Variants in TENM3 observed in about 807,000 individuals in gnomAD.
TENM3 encodes teneurin-3.
TENM3 carries 63 observed loss-of-function variants against 255.1 expected under a neutral mutation model. The observed-to-expected ratio is 0.25, with a 90% CI of 0.20 to 0.30. The LOEUF (loss-of-function observed/expected upper bound fraction) is 0.30. Ranked by LOEUF, TENM3 falls within the 10% of genes least tolerant of loss-of-function variation. The pLI, the probability that TENM3 is intolerant of heterozygous loss-of-function variation, is 1.00. For missense variants in TENM3, 2,929 were observed against 3,461.1 expected, an observed-to-expected ratio of 0.85 and a Z score of 3.86; for synonymous variants, 1,306 against 1,322.3, an observed-to-expected ratio of 0.99 and a Z score of 0.27.
At chr4:181,705,444 T>C in the TENM3 span, among the ~76,000 whole-genome samples, 1 of 152,218 alleles carries the variant, frequency 6.6e-6, no homozygotes, top group Non-Finnish European at 1.5e-5. Context: ...GGACAAAGTA[T>C]AACTAACTTC....
chr4:181,690,414 G>A, the TENM3 span, among the ~76,000 whole-genome samples: 1 of 152,162 alleles, frequency 6.6e-6, no homozygotes, highest in Non-Finnish European at 1.5e-5. Flanking sequence ...TCTTGTCAAA[G>A]CAAAGACCAT....
intron 5 of TENM3, among the ~76,000 whole-genome samples, chr4:182,643,371 C>T (rs1396652795): frequency 6.6e-6 from 1 of 152,122 alleles, no homozygotes; most frequent in East Asian, 1.9e-4. Flanking sequence ...AAATTAAAAT[C>T]AAGAACAACA....
the TENM3 span, among the ~76,000 whole-genome samples, chr4:181,948,896 A>G: frequency 2.6e-5 from 4 of 152,144 alleles, 1 homozygote; most frequent in Non-Finnish European, 5.9e-5. Flanking sequence ...CTAATGAAAT[A>G]ATCAGCTAGT....
chr4:181,716,295 A>G, the TENM3 span, among the ~76,000 whole-genome samples: 2 of 152,194 alleles, frequency 1.3e-5, no homozygotes, highest in Non-Finnish European at 2.9e-5. Flanking sequence ...TATTAATTAA[A>G]TTAATTATAA....
intron 20 of TENM3, 22 bp downstream of exon 20, chr4:182,752,054 A>T: frequency 3.8e-6 from 5 of 1,306,582 alleles, no homozygotes; most frequent in Non-Finnish European, 3.1e-6. Flanking sequence ...TGGCGATTTG[A>T]GGATTTCTTT....
At chr4:181,852,945 A>T in the TENM3 span, among the ~76,000 whole-genome samples, 1 of 152,222 alleles carries the variant, frequency 6.6e-6, no homozygotes, top group African/African-American at 2.4e-5. Flanking sequence ...CGTTATGTGT[A>T]TTTTACCACA....
At chr4:182,102,322 G>C in the TENM3 span, among the ~76,000 whole-genome samples, 1 of 152,172 alleles carries the variant, frequency 6.6e-6, no homozygotes, top group East Asian at 1.9e-4. Flanking sequence ...CAGACTACTT[G>C]GTGTTGGGAG....
intron 3 of TENM3, among the ~76,000 whole-genome samples, chr4:182,451,292 C>T (rs1362083960): frequency 6.6e-6 from 1 of 152,088 alleles, no homozygotes; most frequent in Non-Finnish European, 1.5e-5. Context: ...TTTAATTCTT[C>T]TCGAAGATTT....
At chr4:181,834,637 C>T in the TENM3 span, among the ~76,000 whole-genome samples, 20,164 of 152,180 alleles carry the variant, frequency 0.13, 1,954 homozygotes, top group East Asian at 0.53. Context: ...GCGTTGGCCT[C>T]CTAGCCAACC....
rs1385247588 is a variant in TENM3, at chr4:182,800,333, C to T, written c.8082C>T (p.Ser2694=). 3 of 1,586,434 alleles carry T rather than the reference C, an allele frequency of 1.9e-6. No homozygotes were observed. Among genetic ancestry groups the T allele is most frequent in the Non-Finnish European group, 2.6e-6 (3 of 1,174,804 alleles). The part of the protein sequence containing the change: ...SANNIQFLRQ[S]EIGRR The stretch of plus-strand genomic sequence containing the variant: ...ACAACATCCAGTTCCTGCGGCAGAG[C>T]GAGATCGGCAGGAGGTAACGCCCGG... Residue 2694 remains serine, a synonymous_variant, in exon 28 of 28, where the codon AGC becomes AGT. Transcript: ENST00000511685.
chr4:181,524,047 A>T, the TENM3 span, among the ~76,000 whole-genome samples: 1 of 152,152 alleles, frequency 6.6e-6, no homozygotes, highest in Non-Finnish European at 1.5e-5. Context: ...GCTGTTATAG[A>T]AGACAAAGGT....
At chr4:182,457,964 A>C (rs190784811) in intron 3 of TENM3, among the ~76,000 whole-genome samples, 1 of 152,168 alleles carries the variant, frequency 6.6e-6, no homozygotes, top group Admixed American at 6.5e-5. Flanking sequence ...TCTATTTCCT[A>C]TTCTAGAATA....
the TENM3 span, among the ~76,000 whole-genome samples, chr4:182,094,497 C>T: frequency 6.6e-6 from 1 of 152,156 alleles, no homozygotes; most frequent in Non-Finnish European, 1.5e-5. Flanking sequence ...CCGCCCGCCT[C>T]GGCATCCCAA....
At chr4:182,696,602 G>A (rs1757443811) in intron 12 of TENM3, among the ~76,000 whole-genome samples, 2 of 152,202 alleles carry the variant, frequency 1.3e-5, no homozygotes, top group East Asian at 1.9e-4. Context: ...GTGCACGCCT[G>A]TAATCCCAGC....
chr4:182,551,232 A>C (rs897499032), intron 3 of TENM3, among the ~76,000 whole-genome samples: 33 of 151,958 alleles, frequency 2.2e-4, no homozygotes, highest in African/African-American at 6.8e-4. Context: ...AAAAAAAAAA[A>C]AAAAAAAACC....
chr4:182,320,433 G>A (rs1762984964), intron 1 of TENM3, among the ~76,000 whole-genome samples: 1 of 152,134 alleles, frequency 6.6e-6, no homozygotes. Flanking sequence ...GGCTTTCAGG[G>A]CCATTGCTCC....
chr4:181,920,910 A>T, the TENM3 span, among the ~76,000 whole-genome samples: 1 of 152,176 alleles, frequency 6.6e-6, no homozygotes, highest in Non-Finnish European at 1.5e-5. Flanking sequence ...TGATTTTTGT[A>T]TAAGGTGTAA....
chr4:182,612,096 C>T (rs1041240507), intron 4 of TENM3, among the ~76,000 whole-genome samples: 1 of 151,534 alleles, frequency 6.6e-6, no homozygotes, highest in African/African-American at 2.4e-5. Flanking sequence ...GGTGAAACCC[C>T]GTCTCTACTA....
intron 5 of TENM3, among the ~76,000 whole-genome samples, chr4:182,647,445 G>T (rs1561051948): frequency 1.3e-5 from 2 of 152,170 alleles, no homozygotes; most frequent in Non-Finnish European, 2.9e-5. Context: ...GACTACTTCA[G>T]ATAGTCCATG....
Sources: allele counts gnomAD v4.1 joint callset (sites outside exome capture counted in the v4.1 genomes callset), GRCh38; gene constraint gnomAD v4.1.1; transcripts MANE v1.5; gene names NCBI Gene and HGNC (gene_info 2026-07-23, HGNC 2026-07-21).